Variants in CNTN1 observed in about 807,000 individuals in gnomAD.
The protein encoded by CNTN1 is contactin 1, also known as contactin-1.
A neutral mutation model predicts 126.4 loss-of-function variants in CNTN1; 38 were observed. That is an observed-to-expected ratio of 0.30 (90% CI 0.23 to 0.39). The LOEUF (loss-of-function observed/expected upper bound fraction) is 0.39, where lower values mean the gene tolerates loss of function less well. Ranked by LOEUF, CNTN1 falls within the 10% of genes least tolerant of loss-of-function variation. The probability of loss-of-function intolerance (pLI) is 1.00; values close to 1 mark genes in which losing one functional copy is unlikely to be tolerated. For missense variants in CNTN1, 1,009 were observed against 1,248.4 expected (o/e 0.81, Z 2.89); for synonymous variants, 413 against 422.6 (o/e 0.98, Z 0.28).
chr12:40,836,641 A>G (rs181669119), intron 1 of CNTN1, among the ~76,000 whole-genome samples: 12 of 152,334 alleles, frequency 7.9e-5, no homozygotes, highest in African/African-American at 2.2e-4. Context: ...AACTTCCTCA[A>G]TGAAGAAATC....
chr12:41,042,580 G>A (rs1949441248), intron 23 of CNTN1, among the ~76,000 whole-genome samples: 1 of 151,958 alleles, frequency 6.6e-6, no homozygotes, highest in African/African-American at 2.4e-5. Context: ...CTCAGGACTT[G>A]CTTTATGAAT....
At chr12:40,804,806 T>C (rs1024437265) in intron 1 of CNTN1, among the ~76,000 whole-genome samples, 2 of 152,078 alleles carry the variant, frequency 1.3e-5, no homozygotes, top group African/African-American at 4.8e-5. Flanking sequence ...ATAATTTTAA[T>C]ATTACTTGTA....
At chr12:40,711,831 G>A (rs1169228506) in intron 1 of CNTN1, among the ~76,000 whole-genome samples, 2 of 152,012 alleles carry the variant, frequency 1.3e-5, no homozygotes, top group Non-Finnish European at 2.9e-5. Flanking sequence ...TCCCATCTCA[G>A]CTTCCCAAGT....
chr12:41,056,823 G>A (rs770543073), intron 23 of CNTN1, among the ~76,000 whole-genome samples: 30 of 148,566 alleles, frequency 2.0e-4, no homozygotes, highest in East Asian at 5.9e-4. Flanking sequence ...TCCAATTAAA[G>A]TATTATCTAA....
At chr12:40,840,977 G>C (rs749404929) in intron 1 of CNTN1, among the ~76,000 whole-genome samples, 12 of 151,450 alleles carry the variant, frequency 7.9e-5, no homozygotes, top group Non-Finnish European at 7.4e-5. Context: ...ATGAAATAGA[G>C]ACTAAATAAA....
In CNTN1 at chr12:40,800,706, C is replaced by T. The variant is rs79089834; in HGVS notation, c.-76-107651C>T. On this transcript the variant is annotated intron_variant, in intron 1 of 23. Transcript: ENST00000551295. ...TCAATATATCTGGCAGTCGTCTCCA[C>T]ATCAGATGAACACATCAGCCTTAAC... Among the ~76,000 whole-genome samples, 810 of 152,094 alleles carry T rather than the reference C, an allele frequency of 5.3e-3. 4 individuals carry two copies. The highest frequency in any genetic ancestry group is 0.019 in the African/African-American group (769 of 41,516).
intron 19 of CNTN1, 52 bp downstream of exon 19, chr12:41,016,968 T>A: frequency 6.9e-7 from 1 of 1,440,442 alleles, no homozygotes; most frequent in Non-Finnish European, 9.8e-7. Context: ...AACGTATTTC[T>A]CTAGCAGGCA....
chr12:40,977,217 T>TA (rs1947700051), intron 15 of CNTN1, among the ~76,000 whole-genome samples: 1 of 151,968 alleles, frequency 6.6e-6, no homozygotes, highest in South Asian at 2.1e-4. Context: ...GTTGAAAGAG[T>TA]TATTACCAAT....
At chr12:41,065,318 G>T (rs1238247400) in intron 23 of CNTN1, among the ~76,000 whole-genome samples, 1 of 152,290 alleles carries the variant, frequency 6.6e-6, no homozygotes, top group East Asian at 1.9e-4. Context: ...GCCTCCCAAA[G>T]TGCTGGGATT....
At chr12:40,837,773 G>A (rs1340037604) in intron 1 of CNTN1, among the ~76,000 whole-genome samples, 1 of 152,170 alleles carries the variant, frequency 6.6e-6, no homozygotes, top group African/African-American at 2.4e-5. Flanking sequence ...CTGCCAGGAA[G>A]CAAGCACTGC....
intron 1 of CNTN1, among the ~76,000 whole-genome samples, chr12:40,821,968 A>G: frequency 6.6e-6 from 1 of 151,848 alleles, no homozygotes; most frequent in Non-Finnish European, 1.5e-5. Context: ...TCAAAAACAA[A>G]ATCAAAATTT....
intron 1 of CNTN1, among the ~76,000 whole-genome samples, chr12:40,710,510 A>T (rs1397782816): frequency 2.0e-5 from 3 of 152,082 alleles, no homozygotes; most frequent in Non-Finnish European, 4.4e-5. Context: ...TGGAAAAATG[A>T]TGCCAGTAGA....
intron 2 of CNTN1, among the ~76,000 whole-genome samples, chr12:40,909,867 C>T (rs1944965865): frequency 6.6e-6 from 1 of 151,858 alleles, no homozygotes; most frequent in East Asian, 1.9e-4. Flanking sequence ...CATACGAATT[C>T]TATTGACTGC....
At chr12:40,694,580 GATACCAGGAACAATATAAACCAAGTTT>G in intron 1 of CNTN1, among the ~76,000 whole-genome samples, 1 of 152,086 alleles carries the variant, frequency 6.6e-6, no homozygotes, top group Admixed American at 6.6e-5. Flanking sequence ...GGTTAATGTT[GATACCAGGAACAATATAAACCAAGTTT>G]ATTCGGTTCT....
At chr12:40,730,094 C>T (rs920296226) in intron 1 of CNTN1, among the ~76,000 whole-genome samples, 5 of 152,166 alleles carry the variant, frequency 3.3e-5, no homozygotes, top group Non-Finnish European at 7.3e-5. Flanking sequence ...TTAAAGGAAA[C>T]ATTGCTCAAC....
At chr12:40,793,050 C>G (rs1380557418) in intron 1 of CNTN1, among the ~76,000 whole-genome samples, 1 of 151,928 alleles carries the variant, frequency 6.6e-6, no homozygotes, top group Non-Finnish European at 1.5e-5. Flanking sequence ...AAGATTAACT[C>G]ACAGAAAAAA....
At chr12:40,995,380 A>G (rs1049509298) in intron 17 of CNTN1, among the ~76,000 whole-genome samples, 1 of 152,150 alleles carries the variant, frequency 6.6e-6, no homozygotes, top group African/African-American at 2.4e-5. Flanking sequence ...GTCCTAGTCA[A>G]ATGAGCTCAG....
At chr12:40,917,941 T>C (rs1014050142) in intron 3 of CNTN1, among the ~76,000 whole-genome samples, 1 of 152,124 alleles carries the variant, frequency 6.6e-6, no homozygotes, top group Admixed American at 6.6e-5. Flanking sequence ...CCAACGCTAG[T>C]CACATGTTTA....
intron 15 of CNTN1, chr12:40,978,702 A>G (rs1947746282): frequency 6.6e-6 from 1 of 152,184 alleles, no homozygotes; most frequent in South Asian, 2.1e-4. Context: ...TACACTAATA[A>G]TATGCAGCTT....
Sources: allele counts gnomAD v4.1 joint callset (sites outside exome capture counted in the v4.1 genomes callset), GRCh38; gene constraint gnomAD v4.1.1; transcripts MANE v1.5; gene names NCBI Gene and HGNC (gene_info 2026-07-23, HGNC 2026-07-21).